Variants in NUCB2 observed in about 807,000 individuals in gnomAD.
The protein encoded by NUCB2 is nucleobindin-2.
Under a neutral mutation model 57.9 loss-of-function variants are expected in NUCB2, and 48 were observed. The ratio of observed to expected loss-of-function variants is 0.83; its 90% CI spans 0.66 to 1.05. The LOEUF is 1.05. Ranked by LOEUF, NUCB2 falls within the 50% of genes least tolerant of loss-of-function variation. The pLI is 0.00. For missense variants in NUCB2, 442 were observed against 476.2 expected, an observed-to-expected ratio of 0.93 and a Z score of 0.67; for synonymous variants, 139 against 152.1, an observed-to-expected ratio of 0.91 and a Z score of 0.64.
At chr11:17,297,876 G>C (rs1029284890) in intron 4 of NUCB2, among the ~76,000 whole-genome samples, 1 of 152,110 alleles carries the variant, frequency 6.6e-6, no homozygotes, top group Non-Finnish European at 1.5e-5. Context: ...GAGGTCAGGA[G>C]TTCAAGACTA....
chr11:17,311,444 A>G (rs1205183306), intron 8 of NUCB2, among the ~76,000 whole-genome samples, 161 bp downstream of exon 8: 1 of 152,188 alleles, frequency 6.6e-6, no homozygotes, highest in African/African-American at 2.4e-5. Flanking sequence ...GCTCACCTGC[A>G]GTATAAAATG....
At chr11:17,279,597 A>G (rs1218361391) in intron 1 of NUCB2, among the ~76,000 whole-genome samples, 1 of 152,156 alleles carries the variant, frequency 6.6e-6, no homozygotes, top group Non-Finnish European at 1.5e-5. Context: ...TATGAATGTG[A>G]TCTTTCAAAA....
At chr11:17,315,271 T>G in intron 10 of NUCB2, 115 bp from the exon 11 acceptor site, 1 of 497,664 alleles carries the variant, frequency 2.0e-6, no homozygotes. Flanking sequence ...GGAAGTTAAG[T>G]GAGTCCTAAT....
At chr11:17,298,235 A>G (rs2138505952) in intron 4 of NUCB2, among the ~76,000 whole-genome samples, 1 of 152,136 alleles carries the variant, frequency 6.6e-6, no homozygotes, top group Middle Eastern at 3.4e-3. Context: ...AAAATTTAAA[A>G]TTAATTTAAT....
rs1388672393 is a variant in NUCB2 at position 17,282,258 on chromosome 11, A to ATATATT, written c.-155-530_-155-529insATATTT. Among the ~76,000 whole-genome samples the ATATATT allele has an allele frequency of 9.7e-5, 10 of 103,466 alleles. No individual in the cohort carries two copies. The East Asian group carries it at 1.0e-3, about 10-fold the overall frequency. 67.9% of individuals were successfully genotyped at this position (103,466 alleles called of 152,430 possible). A position where few individuals can be genotyped will look rare whatever the true frequency, so the allele number is the denominator to read the frequency against. On this transcript the variant is annotated intron_variant, in intron 1 of 13. Transcript: ENST00000529010. Reference sequence around the variant, plus strand: ...TATCTATATATATATATATATATATATTTTTTTTTTTTTTTCCCAAGACAG... The same window carrying ATATATT: ...TATCTATATATATATATATATATATATATATTTTTTTTTTTTTTTTTCCCAAGACAG...
intron 2 of NUCB2, among the ~76,000 whole-genome samples, chr11:17,293,307 A>C (rs1945259828): frequency 6.6e-6 from 1 of 151,822 alleles, no homozygotes; most frequent in African/African-American, 2.4e-5. Flanking sequence ...ATACACACAC[A>C]CACTCATGTA....
chr11:17,286,013 G>C (rs1943690407), intron 2 of NUCB2, among the ~76,000 whole-genome samples: 1 of 151,552 alleles, frequency 6.6e-6, no homozygotes, highest in Non-Finnish European at 1.5e-5. Flanking sequence ...CAGTAGCTAA[G>C]AAATCTGCCT....
At chr11:17,289,120 C>A (rs1172221552) in intron 2 of NUCB2, among the ~76,000 whole-genome samples, 2 of 151,766 alleles carry the variant, frequency 1.3e-5, no homozygotes, top group Non-Finnish European at 2.9e-5. Flanking sequence ...CCATGCCCGG[C>A]TAATTTTTTG....
intron 11 of NUCB2, among the ~76,000 whole-genome samples, chr11:17,323,539 G>A (rs1417173893): frequency 6.6e-6 from 1 of 152,004 alleles, no homozygotes; most frequent in Non-Finnish European, 1.5e-5. Context: ...TTCTTTTTTC[G>A]ATGTGACTTT....
intron 4 of NUCB2, among the ~76,000 whole-genome samples, chr11:17,300,571 A>G (rs1042831858): frequency 1.3e-5 from 2 of 152,164 alleles, no homozygotes; most frequent in African/African-American, 4.8e-5. Context: ...AATGTTTTAC[A>G]GGTTCATTCA....
chr11:17,308,972 G>T (rs1162337557), intron 5 of NUCB2, among the ~76,000 whole-genome samples: 1 of 152,030 alleles, frequency 6.6e-6, no homozygotes, highest in African/African-American at 2.4e-5. Context: ...ATTAAAAAGG[G>T]TTTGTTATTG....
At chr11:17,299,827 C>T (rs1334117258) in intron 4 of NUCB2, among the ~76,000 whole-genome samples, 3 of 152,048 alleles carry the variant, frequency 2.0e-5, no homozygotes, top group Non-Finnish European at 4.4e-5. Context: ...CTGCTTGAGC[C>T]TGGGAGATTG....
chr11:17,344,005 C>CT (rs1952512104), intron 2 of NUCB2, among the ~76,000 whole-genome samples: 1 of 152,088 alleles, frequency 6.6e-6, no homozygotes, highest in Non-Finnish European at 1.5e-5. Flanking sequence ...GTCAGTTTTT[C>CT]TAGAGCTAGT....
intron 4 of NUCB2, among the ~76,000 whole-genome samples, chr11:17,299,171 C>A (rs2138534308): frequency 6.6e-6 from 1 of 152,344 alleles, no homozygotes. Flanking sequence ...AACATCCTAA[C>A]ATCTTTGATT....
At chr11:17,327,735 C>A (rs61226764) in intron 11 of NUCB2, among the ~76,000 whole-genome samples, 2 of 152,080 alleles carry the variant, frequency 1.3e-5, no homozygotes, top group Non-Finnish European at 2.9e-5. Flanking sequence ...TCAGCGTGTC[C>A]GTTCCATTTT....
intron 5 of NUCB2, among the ~76,000 whole-genome samples, chr11:17,306,500 A>G (rs1277750480): frequency 2.0e-5 from 3 of 152,222 alleles, no homozygotes; most frequent in Admixed American, 1.3e-4. Context: ...ATGCAAGGTA[A>G]TTCCATACTT....
At chr11:17,278,914 CG>C (rs1941946003) in intron 1 of NUCB2, among the ~76,000 whole-genome samples, 1 of 152,092 alleles carries the variant, frequency 6.6e-6, no homozygotes, top group Non-Finnish European at 1.5e-5. Flanking sequence ...TCCTTTAGGC[CG>C]GGCATGGTGG....
chr11:17,288,085 T>TTG (rs1206710291), intron 2 of NUCB2, among the ~76,000 whole-genome samples: 1 of 152,180 alleles, frequency 6.6e-6, no homozygotes, highest in Admixed American at 6.5e-5. Flanking sequence ...ACACAAAAGG[T>TTG]AACAATTCAA....
At chr11:17,293,309 ACT>A (rs961247368) in intron 2 of NUCB2, among the ~76,000 whole-genome samples, 1 of 151,718 alleles carries the variant, frequency 6.6e-6, no homozygotes, top group Non-Finnish European at 1.5e-5. Flanking sequence ...ACACACACAC[ACT>A]CATGTATACA....
Sources: allele counts gnomAD v4.1 joint callset (sites outside exome capture counted in the v4.1 genomes callset), GRCh38; gene constraint gnomAD v4.1.1; transcripts MANE v1.5; gene names NCBI Gene and HGNC (gene_info 2026-07-23, HGNC 2026-07-21).